The following DPP4 variants were observed in gnomAD, a reference collection of about 807,000 sequenced individuals.
DPP4 encodes dipeptidyl peptidase 4.
A neutral mutation model predicts 122.4 loss-of-function variants in DPP4; 93 were observed. The observed-to-expected ratio is 0.76, with a 90% CI of 0.64 to 0.90. The LOEUF is 0.90. Among genes scored for constraint, DPP4 ranks in the 40% least tolerant of loss-of-function variants. DPP4 has a pLI of 0.00. For synonymous variants in DPP4, 321 were observed against 302.9 expected (o/e 1.06, Z -0.62); for missense variants, 914 against 907.3 (o/e 1.01, Z -0.09).
At chr2:162,042,909 G>T (rs2106129119) in intron 5 of DPP4, among the ~76,000 whole-genome samples, 1 of 152,274 alleles carries the variant, frequency 6.6e-6, no homozygotes, top group East Asian at 1.9e-4. Flanking sequence ...TGTGGGGTGT[G>T]GGTGGAAGAG....
chr2:162,004,644 G>A lies in DPP4; in HGVS notation c.2052+1101C>T, dbSNP rs112928208. 2.5e-3 allele frequency among the ~76,000 whole-genome samples: 377 copies of A among 152,082 alleles called. 2 individuals carry two copies. The highest frequency in any genetic ancestry group is 8.9e-3 in the African/African-American group (368 of 41,476). On this transcript the variant is annotated intron_variant, in intron 23 of 25. Coordinates refer to ENST00000360534, the MANE Select transcript of DPP4 (RefSeq NM_001935.4). The stretch of plus-strand genomic sequence containing the variant: ...ACCTTACTCATTAAGTAAGCTGAAA[G>A]TAATTGGTAAAACTAAATTGTCTAT...
intron 2 of DPP4, among the ~76,000 whole-genome samples, chr2:162,060,078 T>C (rs971681822): frequency 6.6e-6 from 1 of 152,186 alleles, no homozygotes; most frequent in African/African-American, 2.4e-5. Flanking sequence ...GACCAGGCAA[T>C]ATGGCGCCAA....
chr2:162,062,799 A>C (rs1012632461), intron 2 of DPP4, among the ~76,000 whole-genome samples: 2 of 152,144 alleles, frequency 1.3e-5, no homozygotes. Flanking sequence ...CAAGCAGGTA[A>C]TCTCCCTTTC....
intron 23 of DPP4, among the ~76,000 whole-genome samples, chr2:162,002,194 C>T (rs1338610989): frequency 6.6e-6 from 1 of 152,156 alleles, no homozygotes; most frequent in African/African-American, 2.4e-5. Context: ...AACAACTGCA[C>T]AAGGCATCCC....
Position 162,019,145 on chromosome 2 carries a change from G to A in DPP4, c.1298+78C>T, listed in dbSNP as rs182675175. 3.4e-5 allele frequency: 45 copies of A among 1,321,258 alleles called. No individual in the cohort carries two copies. The East Asian group carries it at 9.7e-4, about 29-fold the overall frequency. The allele number at this position is 1,321,258 out of a possible 1,614,324, so 81.8% of individuals were successfully genotyped here. On this transcript the variant is annotated intron_variant, in intron 15 of 25. Transcript: ENST00000360534. ...ACCAGTTTAATATTAGTTAGGACAA[G>A]GCAAAAAATAAAAATAGAGTTCAGA...
intron 2 of DPP4, among the ~76,000 whole-genome samples, chr2:162,061,404 A>G (rs568588904): frequency 6.6e-6 from 1 of 152,188 alleles, no homozygotes; most frequent in South Asian, 2.1e-4. Flanking sequence ...ATCCCTTACT[A>G]CTTAGTCCAC....
chr2:162,071,388 C>T (rs1311459237), intron 2 of DPP4, among the ~76,000 whole-genome samples: 1 of 152,174 alleles, frequency 6.6e-6, no homozygotes, highest in African/African-American at 2.4e-5. Context: ...TTACACCTTT[C>T]ATTCCAGCAC....
Position 162,008,658 on chromosome 2 carries a change from A to G in DPP4, c.1891T>C (p.Tyr631His), listed in dbSNP as rs780614822. Reference protein sequence around the residue: ...NKRIAIWGWSYGGYVTSMVLG... With the variant: ...NKRIAIWGWSHGGYVTSMVLG... ...ACCATTGAGGTTACGTACCCTCCATATGACTAAGGAATGGAAACAGTTATT... is the reference window on the plus strand; with the variant it reads ...ACCATTGAGGTTACGTACCCTCCATGTGACTAAGGAATGGAAACAGTTATT... The change falls in exon 22 of 26, where the codon TAT becomes CAT. Residue 631 changes from tyrosine to histidine, a missense_variant. Transcript: ENST00000360534. The G allele has an allele frequency of 6.2e-7, 1 of 1,613,098 alleles. No individual in the cohort carries two copies. Among genetic ancestry groups the G allele is most frequent in the South Asian group, 1.1e-5 (1 of 91,048 alleles).
intron 2 of DPP4, among the ~76,000 whole-genome samples, chr2:162,056,951 C>T (rs1307243787): frequency 6.6e-6 from 1 of 152,152 alleles, no homozygotes; most frequent in Non-Finnish European, 1.5e-5. Flanking sequence ...GGACCTGTGA[C>T]TCATACCAAG....
intron 23 of DPP4, among the ~76,000 whole-genome samples, chr2:161,997,406 T>A (rs1395086809): frequency 6.6e-6 from 1 of 152,188 alleles, no homozygotes; most frequent in Non-Finnish European, 1.5e-5. Flanking sequence ...CACTAAATGA[T>A]AAGATCCATA....
chr2:162,014,931 T>C (rs1682855388), intron 18 of DPP4, among the ~76,000 whole-genome samples: 1 of 152,204 alleles, frequency 6.6e-6, no homozygotes, highest in Non-Finnish European at 1.5e-5. Flanking sequence ...GTAATTCTTA[T>C]TGCCATCCCA....
chr2:162,047,011 A>G lies in DPP4; in HGVS notation c.194-5T>C. On this transcript the variant is annotated splice_polypyrimidine_tract_variant and splice_region_variant and intron_variant, in intron 3 of 25. Transcript: ENST00000360534. ...GTTTGTAGAGATATTCATGATCTAA[A>G]GAGAGAAAACACCCAGATCAAAATT... 6.7e-7 allele frequency: 1 copy of G among 1,501,696 alleles called. No homozygotes were observed. Among genetic ancestry groups the G allele is most frequent in the Non-Finnish European group, 9.2e-7 (1 of 1,088,406 alleles). The allele number at this position is 1,501,696 out of a possible 1,614,324, so 93.0% of individuals were successfully genotyped here.
intron 11 of DPP4, among the ~76,000 whole-genome samples, chr2:162,023,527 C>T (rs1683212795): frequency 6.6e-6 from 1 of 152,168 alleles, no homozygotes; most frequent in African/African-American, 2.4e-5. Context: ...ACACTGGATG[C>T]CTTTGCACAG....
intron 2 of DPP4, among the ~76,000 whole-genome samples, chr2:162,052,136 T>A (rs891551335): frequency 6.6e-6 from 1 of 151,782 alleles, no homozygotes; most frequent in Non-Finnish European, 1.5e-5. Flanking sequence ...CTGACCAACA[T>A]GGAGAAACCC....
intron 18 of DPP4, 70 bp from the exon 19 acceptor site, chr2:162,014,535 C>G: frequency 9.0e-7 from 1 of 1,110,904 alleles, no homozygotes. Flanking sequence ...TCCTCATGTC[C>G]GTCAGTAGCA....
intron 5 of DPP4, among the ~76,000 whole-genome samples, chr2:162,043,518 T>A (rs1267886998): frequency 1.3e-5 from 2 of 152,042 alleles, no homozygotes; most frequent in Admixed American, 1.3e-4. Flanking sequence ...CAAATACAAA[T>A]CTCCAACCGT....
intron 10 of DPP4, among the ~76,000 whole-genome samples, chr2:162,032,773 G>A (rs1683601170): frequency 6.6e-6 from 1 of 151,674 alleles, no homozygotes; most frequent in Admixed American, 6.6e-5. Context: ...AGCTATCAGA[G>A]AGCCGTAAAT....
chr2:162,048,261 G>A (rs1180038032), intron 2 of DPP4, among the ~76,000 whole-genome samples: 1 of 152,026 alleles, frequency 6.6e-6, no homozygotes, highest in Non-Finnish European at 1.5e-5. Flanking sequence ...AATCATTTTT[G>A]ATACTTCTGT....
intron 6 of DPP4, 30 bp downstream of exon 6, chr2:162,039,102 C>T (rs1033603296): frequency 6.2e-7 from 1 of 1,611,592 alleles, no homozygotes; most frequent in Admixed American, 1.7e-5. Context: ...AGTAGGAAAG[C>T]CTAATAGATT....
Sources: allele counts gnomAD v4.1 joint callset (sites outside exome capture counted in the v4.1 genomes callset), GRCh38; gene constraint gnomAD v4.1.1; transcripts MANE v1.5; gene names NCBI Gene and HGNC (gene_info 2026-07-23, HGNC 2026-07-21).